Variants in POLE observed in about 807,000 individuals in gnomAD.
POLE encodes DNA polymerase epsilon catalytic subunit A.
A neutral mutation model predicts 279.2 loss-of-function variants in POLE; 188 were observed. That is an observed-to-expected ratio of 0.67 (90% CI 0.60 to 0.76). POLE has a LOEUF of 0.76. POLE is among the 30% of genes least tolerant of loss of function. The pLI is 0.00. For synonymous variants in POLE, 1,214 were observed against 1,172.5 expected, an observed-to-expected ratio of 1.04 and a Z score of -0.72; for missense variants, 2,703 against 3,016.7, an observed-to-expected ratio of 0.90 and a Z score of 2.44.
At position 132,667,547 on chromosome 12, in the gene POLE, G is replaced by A. The variant is rs759398253; in HGVS notation, c.2275C>T (p.Arg759Cys). 6.2e-6 allele frequency: 10 copies of A among 1,613,870 alleles called. No individual in the cohort carries two copies. The highest frequency in any genetic ancestry group is 2.2e-5 in the East Asian group (1 of 44,876). Residue 759 changes from arginine to cysteine, a missense_variant, in exon 20 of 49, where the codon CGT becomes TGT. This residue lies in a region of POLE where 1,011 missense variants were observed against 1,111.7 expected (regional missense o/e 0.91). Transcript: ENST00000320574. Reference protein sequence around the residue: ...RENSFYVDTVRAFRDRRYEFK... With the variant: ...RENSFYVDTVCAFRDRRYEFK... Reference sequence around the variant, plus strand: ...TCGTAACGCCTGTCCCGGAAGGCACGCACGGTGTCCACGTAGAAGGAGTTT... The same window carrying A: ...TCGTAACGCCTGTCCCGGAAGGCACACACGGTGTCCACGTAGAAGGAGTTT...
At chr12:132,632,858 A>G in intron 43 of POLE, 63 bp from the exon 44 acceptor site, 6 of 1,523,310 alleles carry the variant, frequency 3.9e-6, no homozygotes, top group Non-Finnish European at 5.3e-6. Context: ...CTAGAATCTG[A>G]GGGGACCCAT....
intron 23 of POLE, among the ~76,000 whole-genome samples, chr12:132,662,688 G>A (rs975276939): frequency 6.6e-6 from 1 of 152,168 alleles, no homozygotes; most frequent in Non-Finnish European, 1.5e-5. Context: ...GAAAATACAA[G>A]ATGAGGCTGG....
At position 132,637,802 on chromosome 12, in the gene POLE, C is replaced by T. The variant is rs5744977; in HGVS notation, c.5678+212G>A. ...AGGCAGGCCACTTCCTGAACTTGCC[C>T]AACTCAAGCTGCACAGCTGAGTGGC... On this transcript the variant is annotated intron_variant, in intron 41 of 48. Transcript: ENST00000320574. Among the ~76,000 whole-genome samples the T allele has an allele frequency of 0.013, 1,980 of 152,328 alleles. 24 individuals are homozygous for T. Among genetic ancestry groups the T allele is most frequent in the Non-Finnish European group, 0.021 (1,435 of 68,020 alleles).
intron 45 of POLE, among the ~76,000 whole-genome samples, chr12:132,628,142 G>A (rs924619531): frequency 7.9e-5 from 12 of 152,184 alleles, no homozygotes; most frequent in Non-Finnish European, 1.6e-4. Context: ...AGGAGATCGA[G>A]ACCATCCTGG....
At position 132,635,733 on chromosome 12, in the gene POLE, T is replaced by C. The variant is rs1338244805; in HGVS notation, c.5811+159A>G. Among the ~76,000 whole-genome samples, 1 of 152,246 alleles carries C rather than the reference T, an allele frequency of 6.6e-6. No homozygotes were observed. The highest frequency in any genetic ancestry group is 2.4e-5 in the African/African-American group (1 of 41,480). ...GCCACACTCCACACTGACGTGCTTG[T>C]CTGCGCATGGTCCCTCCCCGTGTTC... On this transcript the variant is annotated intron_variant, in intron 42 of 48. Coordinates refer to ENST00000320574, the MANE Select transcript of POLE (RefSeq NM_006231.4).
Position 132,643,900 on chromosome 12 carries a change from T to C in POLE, c.4227A>G (p.Glu1409=), listed in dbSNP as rs1593736110. 1 of 1,614,164 alleles carries C rather than the reference T, an allele frequency of 6.2e-7. No individual in the cohort carries two copies. The change falls in exon 33 of 49, where the codon GAA becomes GAG. Residue 1409 remains glutamate, a synonymous_variant. Transcript: ENST00000320574. ...EYSVPEDMYQ[E]HINEINAELS... is the part of the protein sequence containing the mutation. ...GCTCAGCGTTGATCTCGTTGATGTG[T>C]TCCTGGTACATGTCCTCTGGCACTG...
chr12:132,666,755 C>A lies in POLE; in HGVS notation c.2319+748G>T, dbSNP rs573836822. ...TACTGTTTGATGGAGATAAGAGTTT[C>A]CGTTTCAGAAGGCGAAGAATTCTGG... On this transcript the variant is annotated intron_variant, in intron 20 of 48. Coordinates refer to ENST00000320574, the MANE Select transcript of POLE (RefSeq NM_006231.4). Among the ~76,000 whole-genome samples the A allele has an allele frequency of 3.3e-5, 5 of 152,226 alleles. No individual in the cohort carries two copies. In the South Asian group the frequency reaches 1.0e-3, roughly 32 times the overall value.
Position 132,634,141 on chromosome 12 carries a change from G to A in POLE, c.6004+45C>T. 1.3e-6 allele frequency: 2 copies of A among 1,512,022 alleles called. No individual in the cohort carries two copies. The highest frequency in any genetic ancestry group is 1.8e-6 in the Non-Finnish European group (2 of 1,104,356). 93.7% of individuals were successfully genotyped at this position (1,512,022 alleles called of 1,614,324 possible). On this transcript the variant is annotated intron_variant, in intron 43 of 48. Coordinates refer to ENST00000320574, the MANE Select transcript of POLE (RefSeq NM_006231.4). The surrounding 1 kb of genome is among the most constrained non-coding windows in gnomAD (Gnocchi z 4.0). ...CACAGGAGCCACATCTACTAACCAT[G>A]AGTCCCTTCAGTGGGGGCTGCGCAG...
chr12:132,659,165 C>T (rs866962645), intron 26 of POLE, 130 bp downstream of exon 26: 4 of 920,698 alleles, frequency 4.3e-6, no homozygotes, highest in Middle Eastern at 6.9e-4. Context: ...GAACCCCTTA[C>T]CTCTCCGTGA....
intron 32 of POLE, chr12:132,648,651 A>C (rs1456119849): frequency 1.1e-5 from 4 of 348,658 alleles, no homozygotes; most frequent in African/African-American, 8.3e-5. Context: ...CTACGGAGAC[A>C]GAGTTCACAA....
rs768474673 is a variant in POLE, at chr12:132,643,384, T to G, written c.4444+23A>C. 4 of 1,614,172 alleles carry G rather than the reference T, an allele frequency of 2.5e-6. No individual in the cohort carries two copies. In the South Asian group the frequency reaches 4.4e-5, roughly 18 times the overall value. On this transcript the variant is annotated intron_variant, in intron 34 of 48. Coordinates refer to ENST00000320574, the MANE Select transcript of POLE (RefSeq NM_006231.4). ...AGATGTGTGGGAGGCAGGCACATGA[T>G]GGGCGGCTGGTGCAGGCCATACCTG...
At chr12:132,653,303 A>T (rs1431251366) in intron 29 of POLE, among the ~76,000 whole-genome samples, 1 of 152,220 alleles carries the variant, frequency 6.6e-6, no homozygotes, top group Non-Finnish European at 1.5e-5. Context: ...TGAGATTAAG[A>T]GTTCTAGGCT....
chr12:132,637,841 C>T (rs1366937741), intron 41 of POLE, among the ~76,000 whole-genome samples, 173 bp downstream of exon 41: 2 of 152,250 alleles, frequency 1.3e-5, no homozygotes, highest in South Asian at 4.1e-4. Context: ...CGATCTGCTA[C>T]CGCGCACAGG....
chr12:132,687,225 C>G (rs1388274552), intron 1 of POLE, 29 bp downstream of exon 1: 2 of 1,442,994 alleles, frequency 1.4e-6, no homozygotes, highest in African/African-American at 1.5e-5. Flanking sequence ...GGAGGGCCGG[C>G]CCGAGAGCCT....
chr12:132,631,253 G>C (rs1347845462), intron 45 of POLE, among the ~76,000 whole-genome samples: 2 of 152,268 alleles, frequency 1.3e-5, no homozygotes, highest in South Asian at 2.1e-4. Flanking sequence ...AAAAATGCAG[G>C]GACGGAAGAC....
chr12:132,641,032 G>A (rs1398925341), intron 39 of POLE: 1 of 456,682 alleles, frequency 2.2e-6, no homozygotes, highest in South Asian at 1.5e-5. Context: ...CCATTCATTT[G>A]TGGTATGACC....
In POLE at chr12:132,651,746, A is replaced by G. The variant is rs76497729; in HGVS notation, c.3583-1857T>C. Among the ~76,000 whole-genome samples the G allele has an allele frequency of 7.5e-3, 1,141 of 152,306 alleles. 13 individuals are homozygous for G. The highest frequency in any genetic ancestry group is 0.026 in the African/African-American group (1,087 of 41,568). ...CTTCTGCCTGGCTGGCACTCTCTCA[A>G]AAGTCCAGTGCCATGCTGTGAGCTG... is the stretch of plus-strand genomic sequence containing the variant. On this transcript the variant is annotated intron_variant, in intron 29 of 48. Coordinates refer to ENST00000320574, the MANE Select transcript of POLE (RefSeq NM_006231.4).
At chr12:132,686,626 T>G (rs2043275292) in intron 1 of POLE, among the ~76,000 whole-genome samples, 1 of 151,682 alleles carries the variant, frequency 6.6e-6, no homozygotes, top group Non-Finnish European at 1.5e-5. Flanking sequence ...TTCCAGCTAC[T>G]CGGGAGGCTG....
At chr12:132,646,042 CCT>C (rs1282618546) in intron 32 of POLE, among the ~76,000 whole-genome samples, 1 of 152,138 alleles carries the variant, frequency 6.6e-6, no homozygotes, top group Admixed American at 6.5e-5. Context: ...GTGAGCCTGG[CCT>C]CTCTTAGTGG....
Sources: allele counts gnomAD v4.1 joint callset (sites outside exome capture counted in the v4.1 genomes callset), GRCh38; gene constraint gnomAD v4.1.1; regional missense constraint gnomAD v4.1.1; non-coding constraint Gnocchi (gnomAD v3.1); transcripts MANE v1.5; gene names NCBI Gene and HGNC (gene_info 2026-07-23, HGNC 2026-07-21).